Variants in PARD3 observed in about 807,000 individuals in gnomAD.
PARD3 encodes the protein par-3 family cell polarity regulator.
In PARD3, 75 loss-of-function variants were observed where a neutral mutation model predicts 155.4. That is an observed-to-expected ratio of 0.48 (90% CI 0.40 to 0.58). The LOEUF is 0.58. Ranked by LOEUF, PARD3 falls within the 20% of genes least tolerant of loss-of-function variation. The pLI, the probability that PARD3 is intolerant of heterozygous loss-of-function variation, is 0.00. For synonymous variants in PARD3, 576 were observed against 610.5 expected, an observed-to-expected ratio of 0.94 and a Z score of 0.83; for missense variants, 1,642 against 1,721.7, an observed-to-expected ratio of 0.95 and a Z score of 0.82.
At chr10:34,126,818 G>GAGA in intron 23 of PARD3, among the ~76,000 whole-genome samples, 1 of 73,384 alleles carries the variant, frequency 1.4e-5, no homozygotes, top group African/African-American at 4.7e-5. Flanking sequence ...TCTTGAAAAT[G>GAGA]AAAAAAAAAA....
intron 22 of PARD3, among the ~76,000 whole-genome samples, chr10:34,196,597 G>T (rs550362523): frequency 4.1e-5 from 5 of 122,250 alleles, no homozygotes; most frequent in Admixed American, 3.9e-4. Context: ...TTTTTGAGAC[G>T]GAGTCTCGCT....
intron 2 of PARD3, among the ~76,000 whole-genome samples, chr10:34,566,167 A>G (rs1540953): frequency 0.4 from 60,634 of 152,004 alleles, 12,152 homozygotes; most frequent in South Asian, 0.45. Context: ...ATTTTGCAAG[A>G]AGTATTGAGC....
chr10:34,464,511 T>C (rs575718047), intron 4 of PARD3, among the ~76,000 whole-genome samples: 1 of 152,294 alleles, frequency 6.6e-6, no homozygotes, highest in South Asian at 2.1e-4. Context: ...TGGAGGAATC[T>C]AGTCAAAGAA....
chr10:34,134,231 A>G (rs935875448), intron 22 of PARD3, among the ~76,000 whole-genome samples: 1 of 152,212 alleles, frequency 6.6e-6, no homozygotes, highest in African/African-American at 2.4e-5. Context: ...TCATAAGACA[A>G]AAGAGACAGG....
chr10:34,428,487 A>G (rs1030840), intron 5 of PARD3, among the ~76,000 whole-genome samples: 25,846 of 152,178 alleles, frequency 0.17, 4,920 homozygotes, highest in African/African-American at 0.47. Context: ...CCCATCTCTA[A>G]AAGAAAAAAG....
intron 5 of PARD3, among the ~76,000 whole-genome samples, chr10:34,438,778 G>C (rs1441970660): frequency 6.6e-6 from 1 of 152,158 alleles, no homozygotes; most frequent in East Asian, 1.9e-4. Context: ...AGGATGGTGA[G>C]CAAAGAGACA....
At chr10:34,147,003 T>C (rs1948542052) in intron 22 of PARD3, among the ~76,000 whole-genome samples, 1 of 150,818 alleles carries the variant, frequency 6.6e-6, no homozygotes, top group Non-Finnish European at 1.5e-5. Flanking sequence ...ACTGAAAGCC[T>C]TTTTTGTTTC....
chr10:34,214,641 ACT>A (rs1951913294), intron 22 of PARD3, among the ~76,000 whole-genome samples: 1 of 151,920 alleles, frequency 6.6e-6, no homozygotes, highest in Non-Finnish European at 1.5e-5. Flanking sequence ...ATGTAGCAAG[ACT>A]CTGTCTCTGC....
chr10:34,128,560 G>T (rs1947415565), intron 23 of PARD3, among the ~76,000 whole-genome samples: 1 of 152,154 alleles, frequency 6.6e-6, no homozygotes. Flanking sequence ...GTCAGAAGTT[G>T]CATGGGGATT....
At chr10:34,138,664 C>T (rs1185690376) in intron 22 of PARD3, among the ~76,000 whole-genome samples, 12 of 152,074 alleles carry the variant, frequency 7.9e-5, no homozygotes, top group Admixed American at 7.9e-4. Context: ...TAAAAGATGC[C>T]CCTTCAAATC....
chr10:34,522,585 C>T (rs561079389), intron 2 of PARD3, among the ~76,000 whole-genome samples: 3 of 152,098 alleles, frequency 2.0e-5, no homozygotes, highest in Admixed American at 2.0e-4. Context: ...AGAATAGTTT[C>T]AAGAGTAAAG....
rs558601180 is a variant in PARD3, at chr10:34,206,406, T to C, written c.3419+63251A>G. 6.6e-5 allele frequency among the ~76,000 whole-genome samples: 10 copies of C among 152,336 alleles called. No homozygotes were observed. In the East Asian group the frequency reaches 1.2e-3, roughly 18 times the overall value. On this transcript the variant is annotated intron_variant, in intron 22 of 24. Coordinates refer to ENST00000374788, the MANE Select transcript of PARD3 (RefSeq NM_001184785.2). The stretch of plus-strand genomic sequence containing the variant: ...GCGGCGTTTGCCTGGAGTGAGCCCC[T>C]TTTATGGCCTTCCTTGGGCTACTAA...
intron 2 of PARD3, among the ~76,000 whole-genome samples, chr10:34,679,560 C>A (rs148563123): frequency 4.5e-4 from 69 of 152,174 alleles, no homozygotes; most frequent in African/African-American, 1.6e-3. Context: ...ATGGAGTGAT[C>A]GGATGCTCAA....
intron 3 of PARD3, among the ~76,000 whole-genome samples, chr10:34,479,082 C>G (rs948014331): frequency 2.0e-5 from 3 of 151,828 alleles, no homozygotes; most frequent in African/African-American, 4.8e-5. Context: ...GAACTTTTCT[C>G]AAAATCTTAT....
chr10:34,576,198 G>A (rs370587887), intron 2 of PARD3, among the ~76,000 whole-genome samples: 2 of 152,182 alleles, frequency 1.3e-5, no homozygotes, highest in African/African-American at 4.8e-5. Context: ...AAGACACTAT[G>A]CTTAAATATA....
chr10:34,211,520 G>A (rs935891229), intron 22 of PARD3, among the ~76,000 whole-genome samples: 3 of 152,314 alleles, frequency 2.0e-5, no homozygotes, highest in Non-Finnish European at 4.4e-5. Flanking sequence ...GATGTTTCAC[G>A]CCTGTCATCC....
At chr10:34,598,934 G>A (rs139336526) in intron 2 of PARD3, among the ~76,000 whole-genome samples, 45 of 152,164 alleles carry the variant, frequency 3.0e-4, no homozygotes, top group African/African-American at 9.4e-4. Flanking sequence ...GCCCTTGATG[G>A]TCCAGAACTG....
rs762485327 is a variant in PARD3, at chr10:34,372,492, T to C, written c.1707+6A>G. ...CTCTGCATCCTTCAAAAGACAAAGC[T>C]CTTACCGTTTCTTTTGGAATCTGCA... On this transcript the variant is annotated splice_donor_region_variant and intron_variant, in intron 12 of 24. Transcript: ENST00000374788. 1 of 1,604,618 alleles carries C rather than the reference T, an allele frequency of 6.2e-7. No homozygotes were observed. Among genetic ancestry groups the C allele is most frequent in the East Asian group, 2.2e-5 (1 of 44,770 alleles).
In PARD3 at chr10:34,466,011, A is replaced by G. The variant is rs375131002; in HGVS notation, c.582+4074T>C. Among the ~76,000 whole-genome samples the G allele has an allele frequency of 6.7e-4, 102 of 152,258 alleles. 1 individual carries two copies. The highest frequency in any genetic ancestry group is 2.4e-3 in the African/African-American group (101 of 41,506). On this transcript the variant is annotated intron_variant, in intron 4 of 24. Transcript: ENST00000374788. Reference sequence around the variant, plus strand: ...ATTGAAATACTCTTCCTCAGGATAAAATATTAACCACATGTTAACTCTCAA... The same window carrying G: ...ATTGAAATACTCTTCCTCAGGATAAGATATTAACCACATGTTAACTCTCAA...
Sources: allele counts gnomAD v4.1 joint callset (sites outside exome capture counted in the v4.1 genomes callset), GRCh38; gene constraint gnomAD v4.1.1; transcripts MANE v1.5; gene names NCBI Gene and HGNC (gene_info 2026-07-23, HGNC 2026-07-21).